Variants in PIGR observed in about 807,000 individuals in gnomAD.
The protein encoded by PIGR is hepatocellular carcinoma associated protein TB6.
In PIGR, 22 loss-of-function variants were observed where a neutral mutation model predicts 69.5. The observed-to-expected ratio is 0.32, with a 90% CI of 0.23 to 0.45. The LOEUF is 0.45. Among genes scored for constraint, PIGR ranks in the 20% least tolerant of loss-of-function variants. PIGR has a pLI of 1.00. For missense variants in PIGR, 885 were observed against 974.0 expected (o/e 0.91, Z 1.22); for synonymous variants, 413 against 407.6 (o/e 1.01, Z -0.16).
intron 4 of PIGR, 127 bp downstream of exon 4, chr1:206,936,968 G>T: frequency 1.1e-6 from 1 of 922,918 alleles, no homozygotes; most frequent in Non-Finnish European, 1.6e-6. Context: ...TCCAGTTCGG[G>T]GCTGGTCATT....
Position 206,933,063 on chromosome 1 carries a change from C to T in PIGR, c.1809G>A (p.Arg603=). ...CCACCGCCTTTTCCTCTGCAAAAAGCCTGGGATCCTGAATGGCTTTGTTCT... is the reference window on the plus strand; with the variant it reads ...CCACCGCCTTTTCCTCTGCAAAAAGTCTGGGATCCTGAATGGCTTTGTTCT... ...EIENKAIQDP[R]LFAEEKAVAD... Residue 603 remains arginine (R), a synonymous_variant, in exon 7 of 11, where the codon AGG becomes AGA. Coordinates refer to ENST00000356495, the MANE Select transcript of PIGR (RefSeq NM_002644.4). 1 of 1,614,216 alleles carries T rather than the reference C, an allele frequency of 6.2e-7. No homozygotes were observed. Among genetic ancestry groups the T allele is most frequent in the South Asian group, 1.1e-5 (1 of 91,086 alleles).
At chr1:206,943,333 C>T (rs1431921033) in intron 1 of PIGR, among the ~76,000 whole-genome samples, 1 of 151,990 alleles carries the variant, frequency 6.6e-6, no homozygotes, top group Non-Finnish European at 1.5e-5. Flanking sequence ...AGGTCACTAC[C>T]CCATTATCAC....
At chr1:206,933,873 CTT>C (rs576649135) in intron 6 of PIGR, among the ~76,000 whole-genome samples, 11 of 140,602 alleles carry the variant, frequency 7.8e-5, no homozygotes, top group East Asian at 2.1e-4. Flanking sequence ...TGGGACTTGT[CTT>C]TTTTTTTTTT....
chr1:206,939,061 C>T (rs896211923), intron 3 of PIGR, 58 bp downstream of exon 3: 2 of 1,439,184 alleles, frequency 1.4e-6, no homozygotes, highest in Non-Finnish European at 1.9e-6. Flanking sequence ...GCCCTCCATG[C>T]ACCTTAGAGA....
chr1:206,945,276 G>A (rs535049697), intron 1 of PIGR, among the ~76,000 whole-genome samples: 1 of 152,334 alleles, frequency 6.6e-6, no homozygotes, highest in Middle Eastern at 3.4e-3. Flanking sequence ...TTCCCCTAGT[G>A]AAGGGGGAAA....
chr1:206,933,254 G>A, intron 6 of PIGR, 88 bp from the exon 7 acceptor site: 1 of 1,334,886 alleles, frequency 7.5e-7, no homozygotes, highest in Non-Finnish European at 1.0e-6. Context: ...GACTTCATGA[G>A]GAATCACAGG....
At position 206,940,577 on chromosome 1, in the gene PIGR, GTGCAATGCTGAAAAAC is replaced by G. The variant is rs1449343223; in HGVS notation, c.-53-9_-47del. The stretch of plus-strand genomic sequence containing the variant: ...CGCACCACTCAGGCCGACTTCTCCT[GTGCAATGCTGAAAAAC>G]AATAATCACAAGGAGATGAAGCGCC... On this transcript the variant is annotated splice_acceptor_variant and splice_polypyrimidine_tract_variant and 5_prime_UTR_variant and intron_variant, in exon 2 of 11. Coordinates refer to ENST00000356495, the MANE Select transcript of PIGR (RefSeq NM_002644.4). LOFTEE classifies it low-confidence loss of function (5UTR_SPLICE). 1 of 1,519,112 alleles carries G rather than the reference GTGCAATGCTGAAAAAC, an allele frequency of 6.6e-7. No individual in the cohort carries two copies. Among genetic ancestry groups the G allele is most frequent in the Non-Finnish European group, 8.9e-7 (1 of 1,127,606 alleles). The allele number at this position is 1,519,112 out of a possible 1,614,324, so 94.1% of individuals were successfully genotyped here.
At chr1:206,938,856 T>C (rs2102601711) in intron 3 of PIGR, among the ~76,000 whole-genome samples, 1 of 152,312 alleles carries the variant, frequency 6.6e-6, no homozygotes, top group East Asian at 1.9e-4. Flanking sequence ...CTTGTCCTTC[T>C]GATACCCTTC....
Position 206,935,076 on chromosome 1 carries a change from A to C in PIGR, c.1379-330T>G, listed in dbSNP as rs1204063642. Among the ~76,000 whole-genome samples the C allele has an allele frequency of 6.6e-6, 1 of 152,190 alleles. No homozygotes were observed. Among genetic ancestry groups the C allele is most frequent in the African/African-American group, 2.4e-5 (1 of 41,448 alleles). ...AATAAGTATGTTATTCTGACTACAG[A>C]AGAAATGTAATTGTGTGCCTAGGTA... On this transcript the variant is annotated intron_variant, in intron 5 of 10. Transcript: ENST00000356495. The surrounding 1 kb of genome is among the most constrained non-coding windows in gnomAD (Gnocchi z 4.4).
chr1:206,934,712 C>T lies in PIGR; in HGVS notation c.1413G>A (p.Thr471=), dbSNP rs376996483. 100 of 1,610,062 alleles carry T rather than the reference C, an allele frequency of 6.2e-5. No homozygotes were observed. Among genetic ancestry groups the T allele is most frequent in the Middle Eastern group, 1.6e-4 (1 of 6,084 alleles). Residue 471 remains threonine (T), a synonymous_variant, in exon 6 of 11, where the codon ACG becomes ACA. Coordinates refer to ENST00000356495, the MANE Select transcript of PIGR (RefSeq NM_002644.4). ...EPNLKVPGNV[T]AVLGETLKVP... ...CCTTGAGAGTCTCTCCCAGCACAGC[C>T]GTGACATTCCCTGGTACCTTGAGGT...
rs199691737 is a variant in PIGR, at chr1:206,931,809, G to A, written c.2009-7C>T. The A allele has an allele frequency of 3.3e-4, 531 of 1,614,002 alleles. 1 individual carries two copies. Among genetic ancestry groups the A allele is most frequent in the Non-Finnish European group, 4.2e-4 (493 of 1,180,002 alleles). ...CTTCTGATTGAAACTCGGTCTGTCC[G>A]GGAGGAAGAGGAGTTGGTGTAAGGA... is the stretch of plus-strand genomic sequence containing the variant. On this transcript the variant is annotated splice_polypyrimidine_tract_variant and splice_region_variant and intron_variant, in intron 8 of 10. Coordinates refer to ENST00000356495, the MANE Select transcript of PIGR (RefSeq NM_002644.4).
Position 206,939,336 on chromosome 1 carries a change from C to A in PIGR, c.171G>T (p.Arg57=). ...TTATGCAGCCACCTCTAGCTCCCTG[C>A]CGGCACCAGTACTTCCGGGTGTGCC... is the stretch of plus-strand genomic sequence containing the variant. ...VNRHTRKYWC[R]QGARGGCITL... Residue 57 remains arginine (R), a synonymous_variant, in exon 3 of 11, where the codon CGG becomes CGT. Transcript: ENST00000356495. 6.2e-7 allele frequency: 1 copy of A among 1,614,234 alleles called. No individual in the cohort carries two copies. Among genetic ancestry groups the A allele is most frequent in the Non-Finnish European group, 8.5e-7 (1 of 1,180,046 alleles).
In PIGR at chr1:206,934,439, A is replaced by G. The variant is rs139602213; in HGVS notation, c.1686T>C (p.Val562=). 1.2e-3 allele frequency: 1,946 copies of G among 1,613,484 alleles called. 5 individuals are homozygous for G. Among genetic ancestry groups the G allele is most frequent in the Middle Eastern group, 1.8e-3 (11 of 6,056 alleles). Residue 562 remains valine (V), a synonymous_variant, in exon 6 of 11, where the codon GTT becomes GTC. Transcript: ENST00000356495. ...ACTCACCCGCTGCCTTCCTCTCTTC[A>G]ACTGCCACATAGACGGCTGCAGTCT... ...YGETAAVYVA[V]EERKAAGSRD...
rs1343663275 is a variant in PIGR, at chr1:206,937,657, C to T, written c.483G>A (p.Lys161=). Residue 161 remains lysine, a synonymous_variant, in exon 4 of 11, where the codon AAG becomes AAA. Coordinates refer to ENST00000356495, the MANE Select transcript of PIGR (RefSeq NM_002644.4). ...CTATCTGCTTGTACAAGGACTTCCTCTTTTGAGCATTCTCAGTCTTGAAAG... is the reference window on the plus strand; with the variant it reads ...CTATCTGCTTGTACAAGGACTTCCTTTTTTGAGCATTCTCAGTCTTGAAAG... ...NCPFKTENAQ[K]RKSLYKQIGL... 2 of 1,613,882 alleles carry T rather than the reference C, an allele frequency of 1.2e-6. No homozygotes were observed.
intron 1 of PIGR, among the ~76,000 whole-genome samples, chr1:206,945,901 T>A (rs1680097631): frequency 6.6e-6 from 1 of 152,242 alleles, no homozygotes; most frequent in South Asian, 2.1e-4. Context: ...GTTTTCTCAT[T>A]TGAACCCACA....
At chr1:206,943,549 G>A (rs939504468) in intron 1 of PIGR, among the ~76,000 whole-genome samples, 2 of 152,342 alleles carry the variant, frequency 1.3e-5, no homozygotes, top group Non-Finnish European at 1.5e-5. Flanking sequence ...TGGGGCAGGA[G>A]TGTAAGCTGT....
chr1:206,935,366 C>T lies in PIGR; in HGVS notation c.1378+120G>A, dbSNP rs866141157. ...AAAATGTGACCTCTGGATAGGTGGG[C>T]TCCCTCCTGAGGTCTGGCCCATCAG... On this transcript the variant is annotated intron_variant, in intron 5 of 10. Coordinates refer to ENST00000356495, the MANE Select transcript of PIGR (RefSeq NM_002644.4). This position sits in a 1 kb window ranked among gnomAD's most constrained non-coding sequence, Gnocchi z 4.4. 8 of 790,060 alleles carry T rather than the reference C, an allele frequency of 1.0e-5. No homozygotes were observed. In the East Asian group the frequency reaches 2.0e-4, roughly 19 times the overall value. The allele number at this position is 790,060 out of a possible 1,614,324, so 48.9% of individuals were successfully genotyped here.
At chr1:206,941,222 G>C (rs946211611) in intron 1 of PIGR, among the ~76,000 whole-genome samples, 3 of 152,094 alleles carry the variant, frequency 2.0e-5, no homozygotes, top group Non-Finnish European at 2.9e-5. Flanking sequence ...GGAAATGAAG[G>C]CTTCAAGGTT....
intron 3 of PIGR, among the ~76,000 whole-genome samples, chr1:206,938,665 AG>A (rs1394855424): frequency 1.3e-5 from 2 of 152,146 alleles, no homozygotes; most frequent in Non-Finnish European, 2.9e-5. Flanking sequence ...CAAAAGACTA[AG>A]GGTTCCCAGG....
Sources: allele counts gnomAD v4.1 joint callset (sites outside exome capture counted in the v4.1 genomes callset), GRCh38; gene constraint gnomAD v4.1.1; non-coding constraint Gnocchi (gnomAD v3.1); transcripts MANE v1.5; gene names NCBI Gene and HGNC (gene_info 2026-07-23, HGNC 2026-07-21).